The following DCDC1 variants were observed in gnomAD, a reference collection of about 807,000 sequenced individuals.
DCDC1 encodes doublecortin domain-containing protein 1.
DCDC1 carries 200 observed loss-of-function variants against 178.3 expected under a neutral mutation model. The observed-to-expected ratio is 1.12, with a 90% confidence interval of 1.00 to 1.26. The LOEUF (loss-of-function observed/expected upper bound fraction) is 1.26. DCDC1 is among the 50% of genes most tolerant of loss of function. The probability of loss-of-function intolerance (pLI) is 0.00; values close to 1 mark genes in which losing one functional copy is unlikely to be tolerated. For missense variants in DCDC1, 1,983 were observed against 1,749.2 expected, an observed-to-expected ratio of 1.13 and a Z score of -2.38; for synonymous variants, 690 against 604.8, an observed-to-expected ratio of 1.14 and a Z score of -2.07.
chr11:31,193,815 G>T (rs1021593649), intron 9 of DCDC1, among the ~76,000 whole-genome samples: 1 of 152,082 alleles, frequency 6.6e-6, no homozygotes, highest in Non-Finnish European at 1.5e-5. Context: ...TTGCTTACTT[G>T]ATTCTACCAA....
intron 11 of DCDC1, among the ~76,000 whole-genome samples, chr11:31,114,238 T>A (rs918384952): frequency 2.0e-5 from 3 of 152,072 alleles, no homozygotes; most frequent in African/African-American, 7.2e-5. Flanking sequence ...TCACGTGGTA[T>A]AAGAAAGGGT....
chr11:31,201,186 T>C (rs1971246383), intron 9 of DCDC1, among the ~76,000 whole-genome samples: 1 of 152,052 alleles, frequency 6.6e-6, no homozygotes, highest in African/African-American at 2.4e-5. Flanking sequence ...ACCTACTAGC[T>C]TACTTCAATG....
chr11:31,369,096 A>G (rs1298764551), intron 1 of DCDC1, among the ~76,000 whole-genome samples: 1 of 152,104 alleles, frequency 6.6e-6, no homozygotes, highest in Non-Finnish European at 1.5e-5. Flanking sequence ...GAATGTGTAG[A>G]CTTGCTGAGT....
chr11:31,229,462 C>G (rs1461376809), intron 9 of DCDC1, among the ~76,000 whole-genome samples: 1 of 152,092 alleles, frequency 6.6e-6, no homozygotes, highest in Admixed American at 6.6e-5. Context: ...AGGTTTAACA[C>G]TTGAAAATGA....
intron 20 of DCDC1, among the ~76,000 whole-genome samples, chr11:31,032,725 T>G (rs1370771978): frequency 6.6e-6 from 1 of 152,236 alleles, no homozygotes; most frequent in Admixed American, 6.5e-5. Flanking sequence ...CTTGTTCCCA[T>G]TGAAAGAAGA....
At chr11:30,996,569 G>T (rs1951285271) in intron 20 of DCDC1, among the ~76,000 whole-genome samples, 1 of 152,104 alleles carries the variant, frequency 6.6e-6, no homozygotes, top group African/African-American at 2.4e-5. Context: ...GTGACAAAGG[G>T]AGTTCATCCC....
At chr11:31,172,943 C>A (rs1165680460) in intron 9 of DCDC1, among the ~76,000 whole-genome samples, 1 of 151,992 alleles carries the variant, frequency 6.6e-6, no homozygotes, top group African/African-American at 2.4e-5. Context: ...ACTCTAAGAA[C>A]AAAAGTGATA....
At chr11:30,958,078 G>C (rs911854752) in intron 20 of DCDC1, among the ~76,000 whole-genome samples, 3 of 152,202 alleles carry the variant, frequency 2.0e-5, no homozygotes, top group Admixed American at 1.3e-4. Flanking sequence ...ATTAGGTTGA[G>C]CTGTGAGTGG....
intron 20 of DCDC1, among the ~76,000 whole-genome samples, chr11:30,965,115 C>T (rs113370277): frequency 0.02 from 3,097 of 152,188 alleles, 98 homozygotes; most frequent in African/African-American, 0.07. Flanking sequence ...CCATTCTTCA[C>T]GAAAGATTGC....
intron 37 of DCDC1, among the ~76,000 whole-genome samples, chr11:30,879,567 C>G (rs1004372596): frequency 3.9e-5 from 6 of 152,104 alleles, no homozygotes; most frequent in Non-Finnish European, 2.9e-5. Flanking sequence ...CATGGGGAAC[C>G]TATTGTCATA....
chr11:30,905,184 A>C lies in DCDC1; in HGVS notation c.4105-20T>G. The C allele has an allele frequency of 6.4e-7, 1 of 1,551,850 alleles. No homozygotes were observed. The highest frequency in any genetic ancestry group is 8.7e-7 in the Non-Finnish European group (1 of 1,146,178). ...ATCAACCTAATTTTTTAAAAAATAA[A>C]TTGTACATTTACTCAAACTTTCTTG... On this transcript the variant is annotated intron_variant, in intron 30 of 38. Transcript: ENST00000684477.
chr11:31,250,421 C>CATATATATATATATATATATATATAT, intron 8 of DCDC1, among the ~76,000 whole-genome samples: 8 of 52,954 alleles, frequency 1.5e-4, no homozygotes, highest in Admixed American at 3.8e-4. Flanking sequence ...CACACATATA[C>CATATATATATATATATATATATATAT]ATATATATGT....
At chr11:30,911,046 T>G (rs1219100733) in intron 28 of DCDC1, among the ~76,000 whole-genome samples, 1 of 152,136 alleles carries the variant, frequency 6.6e-6, no homozygotes, top group African/African-American at 2.4e-5. Flanking sequence ...ATGAATGCTG[T>G]TGGGACAATT....
chr11:31,290,755 A>G lies in DCDC1; in HGVS notation c.852T>C (p.Ile284=). 6.2e-7 allele frequency: 1 copy of G among 1,613,522 alleles called. No homozygotes were observed. The highest frequency in any genetic ancestry group is 8.5e-7 in the Non-Finnish European group (1 of 1,179,596). ...TCCTCTCAGTAAGTTTCTTCATTCT[A>G]ATAGAAAGAACAGGCTTGGTTTTCC... ...KRRKTKPVLS[I]RMKKLTERTS... Residue 284 remains isoleucine (I), a synonymous_variant, in exon 7 of 39, where the codon ATT becomes ATC. Transcript: ENST00000684477.
chr11:31,168,224 T>C (rs1318126037), intron 9 of DCDC1, among the ~76,000 whole-genome samples: 2 of 152,194 alleles, frequency 1.3e-5, no homozygotes, highest in Non-Finnish European at 2.9e-5. Flanking sequence ...ATTTATTTTT[T>C]GGATCACACA....
At chr11:31,071,881 C>A (rs1956587630) in intron 18 of DCDC1, among the ~76,000 whole-genome samples, 1 of 152,198 alleles carries the variant, frequency 6.6e-6, no homozygotes, top group African/African-American at 2.4e-5. Flanking sequence ...GATCTTCCAG[C>A]CTTGGTCAAG....
chr11:31,205,830 G>C (rs564979368), intron 9 of DCDC1, among the ~76,000 whole-genome samples: 1 of 152,182 alleles, frequency 6.6e-6, no homozygotes, highest in Non-Finnish European at 1.5e-5. Context: ...AAATATTGGA[G>C]ACATACTTAT....
chr11:31,262,317 A>G (rs2137079474), intron 8 of DCDC1, among the ~76,000 whole-genome samples: 1 of 152,308 alleles, frequency 6.6e-6, no homozygotes, highest in East Asian at 1.9e-4. Context: ...TCTAAAAATA[A>G]GCAATTTGCC....
At chr11:31,096,157 C>T (rs781247077) in intron 15 of DCDC1, among the ~76,000 whole-genome samples, 2 of 152,096 alleles carry the variant, frequency 1.3e-5, no homozygotes, top group Non-Finnish European at 2.9e-5. Context: ...GAGAAGAAAA[C>T]GTCATAAGAC....
Sources: gnomAD v4.1 joint callset for allele counts (sites outside exome capture counted in the v4.1 genomes callset) on GRCh38, gnomAD v4.1.1 for gene constraint, MANE v1.5 for transcripts, NCBI Gene and HGNC (gene_info 2026-07-23, HGNC 2026-07-21) for gene names.